Variants in CHST11 observed in about 807,000 individuals in gnomAD.
CHST11 encodes the protein carbohydrate sulfotransferase 11.
In CHST11, 9 loss-of-function variants were observed where a neutral mutation model predicts 30.4. That is an observed-to-expected ratio of 0.30 (90% CI 0.18 to 0.52). CHST11 has a LOEUF of 0.52. CHST11 is among the 20% of genes least tolerant of loss of function. CHST11 has a pLI of 0.97. For synonymous variants in CHST11, 152 were observed against 187.8 expected, an observed-to-expected ratio of 0.81 and a Z score of 1.56; for missense variants, 348 against 460.6, an observed-to-expected ratio of 0.76 and a Z score of 2.24.
At chr12:104,487,837 A>G (rs1354198447) in intron 1 of CHST11, among the ~76,000 whole-genome samples, 2 of 151,226 alleles carry the variant, frequency 1.3e-5, no homozygotes, top group African/African-American at 4.9e-5. Flanking sequence ...AAATACTGGT[A>G]CATTTTTCTT....
At chr12:104,723,887 G>T (rs1351097759) in intron 2 of CHST11, among the ~76,000 whole-genome samples, 1 of 152,196 alleles carries the variant, frequency 6.6e-6, no homozygotes, top group Non-Finnish European at 1.5e-5. Context: ...AAGCTATGTG[G>T]ATGAGCCTTG....
chr12:104,574,383 A>G (rs1256739778), intron 1 of CHST11, among the ~76,000 whole-genome samples: 5 of 152,218 alleles, frequency 3.3e-5, no homozygotes, highest in Non-Finnish European at 7.3e-5. Context: ...AGGATTATAA[A>G]TCATGCTGCT....
chr12:104,724,966 G>A (rs1566055036), intron 2 of CHST11, among the ~76,000 whole-genome samples: 1 of 152,144 alleles, frequency 6.6e-6, no homozygotes, highest in African/African-American at 2.4e-5. Flanking sequence ...CTGTGTGAGA[G>A]GCAACCCAGG....
intron 1 of CHST11, among the ~76,000 whole-genome samples, chr12:104,557,332 T>C (rs1316201131): frequency 6.6e-6 from 1 of 152,184 alleles, no homozygotes; most frequent in Non-Finnish European, 1.5e-5. Flanking sequence ...GGGAACCTGG[T>C]TGCTGGAGAG....
rs184803519 is a variant in CHST11, at chr12:104,566,369, G to A, written c.119-35537G>A. Among the ~76,000 whole-genome samples the A allele has an allele frequency of 7.8e-3, 1,190 of 152,224 alleles. 5 individuals carry two copies. The highest frequency in any genetic ancestry group is 0.014 in the South Asian group (68 of 4,818). On this transcript the variant is annotated intron_variant, in intron 1 of 2. Transcript: ENST00000303694. ...CTTCTAAATTGCATCTAGCGGTTGG[G>A]GTGGGGGGGCGGTCTGCCTACAAAA...
intron 1 of CHST11, among the ~76,000 whole-genome samples, chr12:104,588,390 G>A (rs898092755): frequency 3.9e-5 from 6 of 152,148 alleles, no homozygotes; most frequent in African/African-American, 1.4e-4. Context: ...CAATATTGGG[G>A]TCACCTTCTC....
chr12:104,504,597 G>T (rs1031921361), intron 1 of CHST11, among the ~76,000 whole-genome samples: 2 of 152,178 alleles, frequency 1.3e-5, no homozygotes, highest in Non-Finnish European at 2.9e-5. Flanking sequence ...GTCCCTGGGA[G>T]TGTTCTCGTC....
At chr12:104,504,119 G>A (rs1484085354) in intron 1 of CHST11, among the ~76,000 whole-genome samples, 3 of 152,136 alleles carry the variant, frequency 2.0e-5, no homozygotes, top group African/African-American at 7.2e-5. Context: ...GTCTTACCTG[G>A]GTGTACCCCA....
At chr12:104,668,417 A>G (rs835489) in intron 2 of CHST11, among the ~76,000 whole-genome samples, 94,179 of 152,006 alleles carry the variant, frequency 0.62, 30,033 homozygotes, top group African/African-American at 0.77. Flanking sequence ...CCGAGACACC[A>G]TGACAACACA....
At chr12:104,520,795 G>A (rs2038066866) in intron 1 of CHST11, among the ~76,000 whole-genome samples, 1 of 152,176 alleles carries the variant, frequency 6.6e-6, no homozygotes, top group African/African-American at 2.4e-5. Flanking sequence ...GCCTTTGCTT[G>A]TATCTGCTCA....
chr12:104,696,650 A>C (rs2039950240), intron 2 of CHST11, among the ~76,000 whole-genome samples: 1 of 152,154 alleles, frequency 6.6e-6, no homozygotes, highest in African/African-American at 2.4e-5. Context: ...TGAGCAACAG[A>C]GTGAGACTCG....
chr12:104,642,154 T>G (rs2039382798), intron 2 of CHST11, among the ~76,000 whole-genome samples: 1 of 152,142 alleles, frequency 6.6e-6, no homozygotes, highest in Non-Finnish European at 1.5e-5. Flanking sequence ...TCAGTATTGT[T>G]CACAGTAGTG....
intron 1 of CHST11, among the ~76,000 whole-genome samples, chr12:104,584,334 G>A (rs554191817): frequency 6.9e-6 from 1 of 145,536 alleles, no homozygotes; most frequent in Admixed American, 7.1e-5. Flanking sequence ...TACGCTCACT[G>A]CAACCTCTGC....
At chr12:104,509,604 C>T (rs1016760860) in intron 1 of CHST11, among the ~76,000 whole-genome samples, 9 of 152,108 alleles carry the variant, frequency 5.9e-5, no homozygotes, top group Admixed American at 2.6e-4. Context: ...ATCTTACTCT[C>T]GTGATATTCT....
intron 1 of CHST11, among the ~76,000 whole-genome samples, chr12:104,535,408 T>A (rs1182948546): frequency 6.6e-6 from 1 of 152,198 alleles, no homozygotes; most frequent in Non-Finnish European, 1.5e-5. Flanking sequence ...AACTGCAAAC[T>A]GTTTTAGAAT....
intron 1 of CHST11, among the ~76,000 whole-genome samples, chr12:104,509,050 C>A (rs539785010): frequency 5.9e-5 from 9 of 152,294 alleles, no homozygotes; most frequent in African/African-American, 2.2e-4. Context: ...TCTTAACCAG[C>A]TTCCCCCAAA....
Position 104,607,338 on chromosome 12 carries a change from G to T in CHST11, c.204+5347G>T, listed in dbSNP as rs923525075. 2.0e-5 allele frequency among the ~76,000 whole-genome samples: 3 copies of T among 152,154 alleles called. No homozygotes were observed. In the South Asian group the frequency reaches 6.2e-4, roughly 31 times the overall value. ...GGGGCAGTTGCGGGGGACTCTCTTA[G>T]CCCCAACCTAAATAGCTTTTTCAGC... On this transcript the variant is annotated intron_variant, in intron 2 of 2. Coordinates refer to ENST00000303694, the MANE Select transcript of CHST11 (RefSeq NM_018413.6).
chr12:104,458,101 G>A lies in CHST11; in HGVS notation c.118+572G>A, dbSNP rs890047151. 6.6e-6 allele frequency among the ~76,000 whole-genome samples: 1 copy of A among 151,954 alleles called. No individual in the cohort carries two copies. The highest frequency in any genetic ancestry group is 1.5e-5 in the Non-Finnish European group (1 of 67,948). On this transcript the variant is annotated intron_variant, in intron 1 of 2. Transcript: ENST00000303694. The surrounding 1 kb of genome is among the most constrained non-coding windows in gnomAD (Gnocchi z 5.7). ...TGGGCTCCCACGTGTCCCGGGCTCC[G>A]CGCAGAGCTGAGCAGGTGTGGAGAG...
At chr12:104,535,452 T>C (rs776439065) in intron 1 of CHST11, among the ~76,000 whole-genome samples, 6 of 152,214 alleles carry the variant, frequency 3.9e-5, no homozygotes, top group Non-Finnish European at 8.8e-5. Context: ...TTCTAATATG[T>C]GCATCCCAAT....
Sources: gnomAD v4.1 joint callset for allele counts (sites outside exome capture counted in the v4.1 genomes callset) on GRCh38, gnomAD v4.1.1 for gene constraint, Gnocchi (gnomAD v3.1) non-coding constraint, MANE v1.5 for transcripts, NCBI Gene and HGNC (gene_info 2026-07-23, HGNC 2026-07-21) for gene names.